TENM4: variants seen among roughly 807,000 people sequenced by gnomAD.
TENM4 encodes teneurin transmembrane protein 4, also known as teneurin-4.
TENM4 carries 82 observed loss-of-function variants against 243.3 expected under a neutral mutation model. The observed-to-expected ratio is 0.34, with a 90% CI of 0.28 to 0.40. The LOEUF (loss-of-function observed/expected upper bound fraction) is 0.40, where lower values mean the gene tolerates loss of function less well. Among genes scored for constraint, TENM4 ranks in the 10% least tolerant of loss-of-function variants. The pLI, the probability that TENM4 is intolerant of heterozygous loss-of-function variation, is 1.00. For missense variants in TENM4, 3,138 were observed against 3,673.3 expected, an observed-to-expected ratio of 0.85 and a Z score of 3.77; for synonymous variants, 1,412 against 1,456.3, an observed-to-expected ratio of 0.97 and a Z score of 0.69.
chr11:78,989,820 G>A (rs560367567), intron 6 of TENM4, among the ~76,000 whole-genome samples: 7 of 152,254 alleles, frequency 4.6e-5, no homozygotes, highest in African/African-American at 1.7e-4. Context: ...TTGGGAGGCT[G>A]AGGCAGGCAG....
intron 6 of TENM4, among the ~76,000 whole-genome samples, chr11:78,962,789 G>C (rs932368215): frequency 3.3e-5 from 5 of 152,214 alleles, no homozygotes; most frequent in African/African-American, 9.7e-5. Flanking sequence ...TGATGTCACC[G>C]AACTGATATG....
At chr11:79,325,634 C>A (rs190189967) in intron 1 of TENM4, among the ~76,000 whole-genome samples, 1 of 152,314 alleles carries the variant, frequency 6.6e-6, no homozygotes, top group East Asian at 1.9e-4. Context: ...CTCAGGAAGG[C>A]ATTTAGGCAG....
intron 6 of TENM4, among the ~76,000 whole-genome samples, chr11:78,994,646 A>C (rs1424445589): frequency 6.6e-6 from 1 of 152,212 alleles, no homozygotes; most frequent in Non-Finnish European, 1.5e-5. Flanking sequence ...GTCCAATTCC[A>C]GTTATTCTAT....
chr11:78,998,567 G>C (rs1383452963), intron 6 of TENM4, among the ~76,000 whole-genome samples: 1 of 151,080 alleles, frequency 6.6e-6, no homozygotes, highest in African/African-American at 2.4e-5. Context: ...TTGAAAAACT[G>C]CTATATTTTA....
At chr11:78,837,184 G>A (rs1177681042) in intron 12 of TENM4, among the ~76,000 whole-genome samples, 1 of 152,116 alleles carries the variant, frequency 6.6e-6, no homozygotes, top group Non-Finnish European at 1.5e-5. Context: ...GGGACCCGGT[G>A]GGAGACAACT....
chr11:79,117,480 A>AG, intron 4 of TENM4, among the ~76,000 whole-genome samples: 1 of 152,168 alleles, frequency 6.6e-6, no homozygotes, highest in East Asian at 1.9e-4. Flanking sequence ...AAGGGCTATC[A>AG]GGGGCTGGGC....
At chr11:78,696,599 T>G (rs1448286874) in intron 28 of TENM4, among the ~76,000 whole-genome samples, 1 of 152,236 alleles carries the variant, frequency 6.6e-6, no homozygotes, top group African/African-American at 2.4e-5. Flanking sequence ...CCTCTAGGTA[T>G]CATAGGTTTT....
chr11:78,849,296 G>A (rs889572639), intron 12 of TENM4, among the ~76,000 whole-genome samples: 8 of 152,150 alleles, frequency 5.3e-5, no homozygotes, highest in Admixed American at 5.2e-4. Flanking sequence ...AAAACTTCTT[G>A]GGTTGATGTA....
chr11:78,929,910 A>G (rs1320714784), intron 6 of TENM4, among the ~76,000 whole-genome samples: 3 of 152,228 alleles, frequency 2.0e-5, no homozygotes, highest in Non-Finnish European at 4.4e-5. Flanking sequence ...GATTCTGGAC[A>G]GAACAGAACC....
At chr11:78,661,616 T>C in intron 32 of TENM4, 25 bp from the exon 33 acceptor site, 2 of 1,610,234 alleles carry the variant, frequency 1.2e-6, no homozygotes, top group Non-Finnish European at 1.7e-6. Context: ...AGCAGAAACA[T>C]CTCCATGGAG....
chr11:79,012,130 C>G (rs1858661924), intron 6 of TENM4, among the ~76,000 whole-genome samples: 1 of 152,186 alleles, frequency 6.6e-6, no homozygotes, highest in Non-Finnish European at 1.5e-5. Flanking sequence ...ACCGGCTCCT[C>G]TGTCCTGGGG....
At chr11:79,091,036 C>T (rs143584820) in intron 4 of TENM4, among the ~76,000 whole-genome samples, 5 of 152,264 alleles carry the variant, frequency 3.3e-5, no homozygotes, top group African/African-American at 9.6e-5. Context: ...AAATGTCAGA[C>T]GCTGGCAGTC....
At chr11:79,394,318 G>T (rs559180644) in intron 1 of TENM4, among the ~76,000 whole-genome samples, 1 of 152,086 alleles carries the variant, frequency 6.6e-6, no homozygotes, top group Admixed American at 6.5e-5. Context: ...GCCTACCCCC[G>T]CATCCCAGCA....
intron 16 of TENM4, among the ~76,000 whole-genome samples, chr11:78,780,750 G>A (rs1372102527): frequency 2.6e-5 from 4 of 152,144 alleles, no homozygotes; most frequent in African/African-American, 9.7e-5. Context: ...ACATAACCAT[G>A]AAGAGCACTA....
chr11:78,899,894 A>G (rs892983545), intron 7 of TENM4, among the ~76,000 whole-genome samples: 2 of 152,204 alleles, frequency 1.3e-5, no homozygotes, highest in African/African-American at 4.8e-5. Context: ...ACTGTAAGCC[A>G]AATAAATCCT....
At chr11:79,376,268 T>C (rs1335321698) in intron 1 of TENM4, among the ~76,000 whole-genome samples, 1 of 152,188 alleles carries the variant, frequency 6.6e-6, no homozygotes, top group Non-Finnish European at 1.5e-5. Flanking sequence ...ACAAAGATAG[T>C]AGGTGAACTC....
chr11:78,994,179 G>A (rs1333798295), intron 6 of TENM4, among the ~76,000 whole-genome samples: 3 of 152,190 alleles, frequency 2.0e-5, no homozygotes, highest in African/African-American at 7.2e-5. Flanking sequence ...TTCCCTTCTG[G>A]GTAGTTGGAA....
At chr11:79,004,287 T>C (rs1054880710) in intron 6 of TENM4, among the ~76,000 whole-genome samples, 2 of 152,184 alleles carry the variant, frequency 1.3e-5, no homozygotes, top group Non-Finnish European at 2.9e-5. Flanking sequence ...CTTGACCAAA[T>C]GGACCTAACA....
intron 6 of TENM4, among the ~76,000 whole-genome samples, chr11:79,030,703 G>T (rs1042908523): frequency 3.9e-5 from 6 of 152,134 alleles, no homozygotes; most frequent in African/African-American, 1.2e-4. Flanking sequence ...CCCCAGGAAG[G>T]AGTGATCCTT....
Sources: gnomAD v4.1 joint callset for allele counts (sites outside exome capture counted in the v4.1 genomes callset) on GRCh38, gnomAD v4.1.1 for gene constraint, MANE v1.5 for transcripts, NCBI Gene and HGNC (gene_info 2026-07-23, HGNC 2026-07-21) for gene names.